Variants in SPTAN1 observed in about 807,000 individuals in gnomAD.
The protein encoded by SPTAN1 is spectrin alpha chain, non-erythrocytic 1.
A neutral mutation model predicts 331.3 loss-of-function variants in SPTAN1; 61 were observed. The observed-to-expected ratio is 0.18, with a 90% confidence interval of 0.15 to 0.23. SPTAN1 has a LOEUF of 0.23. Ranked by LOEUF, SPTAN1 falls within the 10% of genes least tolerant of loss-of-function variation. The pLI is 1.00. For missense variants in SPTAN1, 2,043 were observed against 3,147.9 expected (o/e 0.65, Z 8.40); for synonymous variants, 1,153 against 1,173.9 (o/e 0.98, Z 0.36).
Position 128,612,266 on chromosome 9 carries a change from C to T in SPTAN1, c.5043+20C>T. 6.2e-7 allele frequency: 1 copy of T among 1,614,144 alleles called. No individual in the cohort carries two copies. Among genetic ancestry groups the T allele is most frequent in the South Asian group, 1.1e-5 (1 of 91,070 alleles). On this transcript the variant is annotated intron_variant, in intron 39 of 56. Coordinates refer to ENST00000372739, the MANE Select transcript of SPTAN1 (RefSeq NM_001130438.3). ...TCTGAGGTAACACTGAGTGGTTCCT[C>T]TTCCTACCAGTGGGGGATTTCTAGT... is the stretch of plus-strand genomic sequence containing the variant.
chr9:128,624,217 AG>A (rs1425087342), intron 45 of SPTAN1, 110 bp from the exon 46 acceptor site: 1 of 1,264,230 alleles, frequency 7.9e-7, no homozygotes, highest in Non-Finnish European at 1.1e-6. Context: ...AGCAGTGGAC[AG>A]GGGAGCAAGT....
At chr9:128,568,726 A>G (rs1215005852) in intron 2 of SPTAN1, 46 bp from the exon 3 acceptor site, 2 of 1,612,290 alleles carry the variant, frequency 1.2e-6, no homozygotes, top group Admixed American at 1.7e-5. Context: ...CAAAATGCTG[A>G]TGCTGTGTGG....
At chr9:128,610,930 T>G (rs909104634) in intron 37 of SPTAN1, among the ~76,000 whole-genome samples, 2 of 152,234 alleles carry the variant, frequency 1.3e-5, no homozygotes, top group Non-Finnish European at 2.9e-5. Flanking sequence ...CATCAAATAT[T>G]ATTTTGCTGG....
intron 31 of SPTAN1, among the ~76,000 whole-genome samples, chr9:128,606,574 C>T (rs1329560854): frequency 6.6e-6 from 1 of 151,138 alleles, no homozygotes; most frequent in Admixed American, 6.6e-5. Flanking sequence ...ACCTCCGCCT[C>T]CTGGGTTCAA....
At chr9:128,580,742 G>T (rs781287793) in intron 10 of SPTAN1, among the ~76,000 whole-genome samples, 180 bp from the exon 11 acceptor site, 8 of 152,112 alleles carry the variant, frequency 5.3e-5, no homozygotes, top group Non-Finnish European at 1.2e-4. Context: ...ATTAAAACAG[G>T]CCATCCCTTT....
chr9:128,585,568 G>C (rs549979206), intron 18 of SPTAN1, among the ~76,000 whole-genome samples, 180 bp from the exon 19 acceptor site: 112 of 152,214 alleles, frequency 7.4e-4, no homozygotes, highest in African/African-American at 2.7e-3. Flanking sequence ...GGCAAAAAAT[G>C]AAACAGTCCA....
chr9:128,604,804 G>A (rs1206676711), intron 29 of SPTAN1, among the ~76,000 whole-genome samples: 3 of 152,086 alleles, frequency 2.0e-5, no homozygotes, highest in Non-Finnish European at 2.9e-5. Flanking sequence ...GGTGGTGGGC[G>A]CCTGTAATCC....
At chr9:128,578,026 C>A in intron 8 of SPTAN1, 84 bp from the exon 9 acceptor site, 1 of 1,419,788 alleles carries the variant, frequency 7.0e-7, no homozygotes, top group Non-Finnish European at 1.0e-6. Context: ...CATTTGAGAA[C>A]ATAGAATTCA....
Position 128,632,910 on chromosome 9 carries a change from C to G in SPTAN1, c.7263C>G (p.Leu2421=). ...AGATTGAGAGCGCCTTCCGGGCCCTCAGCTCAGAGGGAAAGCCTTACGTGA... is the reference window on the plus strand; with the variant it reads ...AGATTGAGAGCGCCTTCCGGGCCCTGAGCTCAGAGGGAAAGCCTTACGTGA... ...SEEIESAFRA[L]SSEGKPYVTK... is the part of the protein sequence containing the mutation. Residue 2421 remains leucine (L), a synonymous_variant, in exon 56 of 57, where the codon CTC becomes CTG. Transcript: ENST00000372739. 1.9e-6 allele frequency: 3 copies of G among 1,613,670 alleles called. No individual in the cohort carries two copies. The highest frequency in any genetic ancestry group is 2.5e-6 in the Non-Finnish European group (3 of 1,180,040).
chr9:128,568,065 ACT>A (rs142695971), intron 2 of SPTAN1, among the ~76,000 whole-genome samples: 2,774 of 152,298 alleles, frequency 0.018, 80 homozygotes, highest in African/African-American at 0.062. Flanking sequence ...CTCGGCCAAA[ACT>A]TTTTTTATAA....
chr9:128,605,563 G>T (rs914048779), intron 31 of SPTAN1, 86 bp downstream of exon 31: 2 of 1,534,496 alleles, frequency 1.3e-6, no homozygotes, highest in African/African-American at 2.7e-5. Context: ...TACATGCTCA[G>T]CAGGGTACAA....
At chr9:128,619,649 G>A (rs953665) in intron 44 of SPTAN1, among the ~76,000 whole-genome samples, 6 of 152,078 alleles carry the variant, frequency 3.9e-5, no homozygotes, top group African/African-American at 9.7e-5. Flanking sequence ...TAGGGTCCAC[G>A]CTAATGACCT....
rs769426014 is a variant in SPTAN1 at position 128,633,229 on chromosome 9, C to G, written c.7329C>G (p.Ala2443=). The G allele has an allele frequency of 6.2e-7, 1 of 1,613,918 alleles. No homozygotes were observed. The highest frequency in any genetic ancestry group is 8.5e-7 in the Non-Finnish European group (1 of 1,180,036). ...ELYQNLTREQ[A]DYCVSHMKPY... ...CACAGAACCTGACCCGGGAACAAGC[C>G]GACTACTGCGTCTCCCACATGAAGC... Residue 2443 remains alanine (A), a synonymous_variant, in exon 57 of 57, where the codon GCC becomes GCG. Coordinates refer to ENST00000372739, the MANE Select transcript of SPTAN1 (RefSeq NM_001130438.3).
At chr9:128,565,189 G>A (rs111578866) in intron 1 of SPTAN1, among the ~76,000 whole-genome samples, 132 of 152,286 alleles carry the variant, frequency 8.7e-4, no homozygotes, top group African/African-American at 2.9e-3. Context: ...TGTAGTCCCC[G>A]CTACTCGGGA....
At chr9:128,592,887 T>G (rs577553241) in intron 22 of SPTAN1, 96 bp from the exon 23 acceptor site, 1 of 1,143,124 alleles carries the variant, frequency 8.7e-7, no homozygotes, top group East Asian at 2.6e-5. Flanking sequence ...ACATTAAGCA[T>G]CCACCATCAT....
chr9:128,603,872 C>T (rs1855483268), intron 28 of SPTAN1, among the ~76,000 whole-genome samples: 1 of 152,260 alleles, frequency 6.6e-6, no homozygotes, highest in Non-Finnish European at 1.5e-5. Flanking sequence ...CTCAGTAATG[C>T]AGTGAGCGGC....
intron 21 of SPTAN1, among the ~76,000 whole-genome samples, chr9:128,590,577 C>T (rs1485317865): frequency 7.0e-6 from 1 of 142,930 alleles, no homozygotes; most frequent in Non-Finnish European, 1.5e-5. Context: ...AAGGGCCAGG[C>T]GTGGTGGTTC....
At chr9:128,632,398 G>A (rs542784568) in intron 53 of SPTAN1, 33 bp from the exon 54 acceptor site, 6 of 1,613,946 alleles carry the variant, frequency 3.7e-6, no homozygotes, top group Non-Finnish European at 4.2e-6. Context: ...GCTGTGTGGA[G>A]GGTCTGTTCC....
chr9:128,562,502 C>T (rs1464004215), intron 1 of SPTAN1, among the ~76,000 whole-genome samples: 1 of 152,056 alleles, frequency 6.6e-6, no homozygotes, highest in East Asian at 1.9e-4. Flanking sequence ...CTGTCCAGGA[C>T]CTGTAATTGG....
Sources: gnomAD v4.1 joint callset for allele counts (sites outside exome capture counted in the v4.1 genomes callset) on GRCh38, gnomAD v4.1.1 for gene constraint, MANE v1.5 for transcripts, NCBI Gene and HGNC (gene_info 2026-07-23, HGNC 2026-07-21) for gene names.